The following ADAM18 variants were observed in gnomAD, a reference collection of about 807,000 sequenced individuals.
ADAM18 encodes the protein disintegrin and metalloproteinase domain-containing protein 18.
ADAM18 carries 117 observed loss-of-function variants against 94.4 expected under a neutral mutation model. The ratio of observed to expected loss-of-function variants is 1.24; its 90% CI spans 1.07 to 1.45. ADAM18 has a LOEUF of 1.45. Ranked by LOEUF, ADAM18 falls within the 40% of genes most tolerant of loss-of-function variation. The pLI is 0.00. For missense variants in ADAM18, 936 were observed against 880.0 expected (o/e 1.06, Z -0.81); for synonymous variants, 327 against 291.6 (o/e 1.12, Z -1.24).
intron 12 of ADAM18, among the ~76,000 whole-genome samples, chr8:39,659,912 T>C (rs772996256): frequency 6.6e-6 from 1 of 152,142 alleles, no homozygotes; most frequent in Non-Finnish European, 1.5e-5. Flanking sequence ...CTAAAACACA[T>C]TGTCCCTGAC....
In ADAM18 at chr8:39,680,198, C is replaced by A; in HGVS notation, c.1793C>A (p.Ala598Asp). The A allele has an allele frequency of 6.2e-7, 1 of 1,613,178 alleles. No individual in the cohort carries two copies. The highest frequency in any genetic ancestry group is 2.2e-5 in the East Asian group (1 of 44,850). Residue 598 changes from alanine to aspartate, a missense_variant, in exon 16 of 20, where the codon GCT (alanine) becomes GAT (aspartate). Transcript: ENST00000265707. ...RSDGTDNAYV[A>D]DGTMCGPEMY... is the part of the protein sequence containing the mutation. Reference sequence around the variant, plus strand: ...GATGGAACAGACAATGCCTATGTGGCTGATGGCACCATGTGTGGTCCAGAA... The same window carrying A: ...GATGGAACAGACAATGCCTATGTGGATGATGGCACCATGTGTGGTCCAGAA...
chr8:39,639,192 G>A (rs1820168287), intron 10 of ADAM18, among the ~76,000 whole-genome samples: 1 of 151,788 alleles, frequency 6.6e-6, no homozygotes, highest in Admixed American at 6.6e-5. Flanking sequence ...TTTATGCATA[G>A]GTATAAACAC....
At chr8:39,633,013 A>C (rs1819975716) in intron 7 of ADAM18, among the ~76,000 whole-genome samples, 1 of 152,144 alleles carries the variant, frequency 6.6e-6, no homozygotes, top group South Asian at 2.1e-4. Flanking sequence ...TATGGGATTA[A>C]GTCTCTTATA....
chr8:39,713,393 G>A (rs962664214), intron 18 of ADAM18, among the ~76,000 whole-genome samples: 8 of 152,164 alleles, frequency 5.3e-5, no homozygotes, highest in Non-Finnish European at 8.8e-5. Context: ...AGGACTTCAC[G>A]ACTAAAACAC....
In ADAM18 at chr8:39,645,252, G is replaced by T. The variant is rs1224800465; in HGVS notation, c.910-86G>T. On this transcript the variant is annotated intron_variant, in intron 10 of 19. Transcript: ENST00000265707. ...GCTTAACATAAGAAGTATTAAAATA[G>T]AAAATATGATAGGAGTAAAAATATT... 8 of 1,189,372 alleles carry T rather than the reference G, an allele frequency of 6.7e-6. No homozygotes were observed. The African/African-American group carries it at 1.2e-4, about 19-fold the overall frequency. 73.7% of individuals were successfully genotyped at this position (1,189,372 alleles called of 1,614,324 possible). A position where few individuals can be genotyped will look rare whatever the true frequency, so the allele number is the denominator to read the frequency against.
intron 5 of ADAM18, among the ~76,000 whole-genome samples, chr8:39,610,086 G>A (rs1019349824): frequency 1.3e-5 from 2 of 152,030 alleles, no homozygotes; most frequent in African/African-American, 2.4e-5. Flanking sequence ...GGTTTCAATT[G>A]CCTGATTTCC....
intron 12 of ADAM18, among the ~76,000 whole-genome samples, 170 bp from the exon 13 acceptor site, chr8:39,663,625 A>AAAG (rs1563296704): frequency 2.8e-4 from 42 of 149,254 alleles, no homozygotes; most frequent in African/African-American, 6.6e-4. Context: ...AAAAAAAAAA[A>AAAG]AAGAAGAAGA....
chr8:39,636,162 G>A (rs561564067), intron 7 of ADAM18, among the ~76,000 whole-genome samples: 3 of 152,028 alleles, frequency 2.0e-5, no homozygotes, highest in African/African-American at 7.2e-5. Context: ...GGGACTACAG[G>A]CATGCACCAC....
chr8:39,617,018 G>A (rs1454948070), intron 6 of ADAM18, among the ~76,000 whole-genome samples: 1 of 151,868 alleles, frequency 6.6e-6, no homozygotes, highest in Non-Finnish European at 1.5e-5. Flanking sequence ...TTGACAATTG[G>A]GACCTAATTA....
intron 12 of ADAM18, 131 bp downstream of exon 12, chr8:39,648,658 G>C (rs1193207336): frequency 1.1e-6 from 1 of 890,642 alleles, no homozygotes; most frequent in African/African-American, 1.7e-5. Context: ...ATGAGAAACA[G>C]GATGAGTTAA....
Position 39,706,319 on chromosome 8 carries a change from A to G in ADAM18, c.1903-471A>G, listed in dbSNP as rs1460703332. Among the ~76,000 whole-genome samples, 3 of 152,268 alleles carry G rather than the reference A, an allele frequency of 2.0e-5. No homozygotes were observed. The East Asian group carries it at 5.8e-4, about 29-fold the overall frequency. ...ATGCACATTATTGACCAATAATGTC[A>G]AATGTTGAAAAGGGGCTAGGATAAG... On this transcript the variant is annotated intron_variant, in intron 17 of 19. Coordinates refer to ENST00000265707, the MANE Select transcript of ADAM18 (RefSeq NM_014237.3).
chr8:39,649,380 G>GTATATA (rs149372125), intron 12 of ADAM18, among the ~76,000 whole-genome samples: 20 of 150,154 alleles, frequency 1.3e-4, no homozygotes, highest in Admixed American at 4.7e-4. Context: ...ACACATACAT[G>GTATATA]TATATATATA....
chr8:39,680,547 A>G (rs1263256101), intron 16 of ADAM18, among the ~76,000 whole-genome samples: 4 of 152,230 alleles, frequency 2.6e-5, no homozygotes, highest in Non-Finnish European at 5.9e-5. Flanking sequence ...TTCACAAAGA[A>G]CATTAATTGA....
At chr8:39,707,900 C>T (rs1822286238) in intron 18 of ADAM18, among the ~76,000 whole-genome samples, 1 of 152,114 alleles carries the variant, frequency 6.6e-6, no homozygotes, top group Non-Finnish European at 1.5e-5. Flanking sequence ...AAATTGATGA[C>T]CTCACTAATC....
At position 39,692,531 on chromosome 8, in the gene ADAM18, A is replaced by G. The variant is rs770297944; in HGVS notation, c.1822-69A>G. The G allele has an allele frequency of 5.4e-4, 487 of 905,700 alleles. 5 individuals carry two copies. Among genetic ancestry groups the G allele is most frequent in the Non-Finnish European group, 7.0e-4 (422 of 600,900 alleles). The allele number at this position is 905,700 out of a possible 1,614,324, so 56.1% of individuals were successfully genotyped here. ...AAGCATCTCTTATACATATATAGAA[A>G]TCATTAATGTTTTTTCTTGTTTTAT... is the stretch of plus-strand genomic sequence containing the variant. On this transcript the variant is annotated intron_variant, in intron 16 of 19. Coordinates refer to ENST00000265707, the MANE Select transcript of ADAM18 (RefSeq NM_014237.3).
intron 6 of ADAM18, among the ~76,000 whole-genome samples, chr8:39,626,485 T>C (rs548153801): frequency 1.3e-5 from 2 of 151,996 alleles, no homozygotes; most frequent in African/African-American, 4.8e-5. Context: ...TTCGTTGAGG[T>C]TGAGATTTAA....
intron 17 of ADAM18, among the ~76,000 whole-genome samples, chr8:39,694,639 A>G (rs1394838918): frequency 2.0e-5 from 3 of 151,508 alleles, no homozygotes; most frequent in Non-Finnish European, 4.4e-5. Context: ...TTTGGTTTAC[A>G]TAAAAACAAG....
chr8:39,722,228 T>C (rs1421030836), intron 18 of ADAM18, among the ~76,000 whole-genome samples: 128 of 11,810 alleles, frequency 0.011, 2 homozygotes, highest in African/African-American at 0.024. Flanking sequence ...TATATATATA[T>C]ATATATATAT....
intron 12 of ADAM18, among the ~76,000 whole-genome samples, chr8:39,651,570 A>G (rs10958560): frequency 0.67 from 100,394 of 150,522 alleles, 34,635 homozygotes; most frequent in Middle Eastern, 0.78. Context: ...CATCCTGCAC[A>G]GCCCTTAATC....
Sources: allele counts gnomAD v4.1 joint callset (sites outside exome capture counted in the v4.1 genomes callset), GRCh38; gene constraint gnomAD v4.1.1; transcripts MANE v1.5; gene names NCBI Gene and HGNC (gene_info 2026-07-23, HGNC 2026-07-21).